GRID1: variants seen among roughly 807,000 people sequenced by gnomAD.
GRID1 encodes the protein glutamate receptor ionotropic, delta-1.
Under a neutral mutation model 98.0 loss-of-function variants are expected in GRID1, and 28 were observed. The ratio of observed to expected loss-of-function variants is 0.29; its 90% CI spans 0.21 to 0.39. The LOEUF (loss-of-function observed/expected upper bound fraction) is 0.39, where lower values mean the gene tolerates loss of function less well. GRID1 is among the 10% of genes least tolerant of loss of function. The pLI, the probability that GRID1 is intolerant of heterozygous loss-of-function variation, is 1.00. For synonymous variants in GRID1, 553 were observed against 538.5 expected, an observed-to-expected ratio of 1.03 and a Z score of -0.37; for missense variants, 1,111 against 1,340.5, an observed-to-expected ratio of 0.83 and a Z score of 2.67.
At chr10:85,647,010 G>T (rs1039188469) in intron 13 of GRID1, 192 bp downstream of exon 13, 4 of 625,996 alleles carry the variant, frequency 6.4e-6, no homozygotes, top group African/African-American at 3.7e-5. Context: ...ACTCTACAAA[G>T]TTGGAAGGTC....
intron 2 of GRID1, among the ~76,000 whole-genome samples, chr10:86,243,965 A>G (rs761951314): frequency 4.1e-4 from 62 of 152,222 alleles, no homozygotes; most frequent in Non-Finnish European, 8.1e-4. Flanking sequence ...CTGCACATAC[A>G]TGCACACACG....
At chr10:85,619,578 T>C (rs532523433) in intron 14 of GRID1, among the ~76,000 whole-genome samples, 1 of 152,272 alleles carries the variant, frequency 6.6e-6, no homozygotes, top group African/African-American at 2.4e-5. Flanking sequence ...TCCCTGCCTC[T>C]ACCCTAGCAT....
At chr10:86,081,430 G>A (rs9663556) in intron 4 of GRID1, among the ~76,000 whole-genome samples, 14,693 of 152,168 alleles carry the variant, frequency 0.097, 913 homozygotes, top group African/African-American at 0.18. Flanking sequence ...AGGAGCACAC[G>A]GTGTTTCTGC....
chr10:86,194,100 C>T lies in GRID1; in HGVS notation c.520+12264G>A, dbSNP rs529631045. ...TCCAGAACACTTCTCCTTTCTCTGC[C>T]TTATTTTGGTAACTGGCATCTCATC... On this transcript the variant is annotated intron_variant, in intron 3 of 15. Transcript: ENST00000327946. 8.5e-5 allele frequency among the ~76,000 whole-genome samples: 13 copies of T among 152,210 alleles called. No homozygotes were observed. In the South Asian group the frequency reaches 2.7e-3, roughly 32 times the overall value.
In GRID1 at chr10:86,338,572, G is replaced by A. The variant is rs556178303; in HGVS notation, c.235+25369C>T. On this transcript the variant is annotated intron_variant, in intron 2 of 15. Transcript: ENST00000327946. The stretch of plus-strand genomic sequence containing the variant: ...AAGAGTCCACAGTAACAGCCCCCCA[G>A]GGGAGGGGGGAGTCTCGCTCTATCC... Among the ~76,000 whole-genome samples the A allele has an allele frequency of 1.1e-4, 16 of 152,144 alleles. 1 individual carries two copies. The highest frequency in any genetic ancestry group is 9.8e-4 in the Admixed American group (15 of 15,294).
At chr10:85,950,188 C>T (rs1842102210) in intron 4 of GRID1, among the ~76,000 whole-genome samples, 3 of 152,156 alleles carry the variant, frequency 2.0e-5, no homozygotes. Flanking sequence ...GGGAGGTTTA[C>T]ATTCAACTAA....
At chr10:85,634,290 C>CTT (rs1688523945) in intron 13 of GRID1, among the ~76,000 whole-genome samples, 2 of 123,200 alleles carry the variant, frequency 1.6e-5, no homozygotes, top group African/African-American at 7.4e-5. Context: ...CTCTCTCTCT[C>CTT]TCACACACAC....
At chr10:85,980,527 G>A (rs1023484848) in intron 4 of GRID1, among the ~76,000 whole-genome samples, 3 of 152,190 alleles carry the variant, frequency 2.0e-5, no homozygotes, top group Non-Finnish European at 2.9e-5. Flanking sequence ...CCCCAAGCTG[G>A]GGCTGGGACA....
Position 85,843,022 on chromosome 10 carries a change from C to T in GRID1, c.1233+11474G>A, listed in dbSNP as rs73334773. On this transcript the variant is annotated intron_variant, in intron 8 of 15. Coordinates refer to ENST00000327946, the MANE Select transcript of GRID1 (RefSeq NM_017551.3). ...CTCAGAATAGCAATATCCCCCATAA[C>T]GCCTTAGCAAATACAATCCAACAAT... Among the ~76,000 whole-genome samples, 873 of 152,164 alleles carry T rather than the reference C, an allele frequency of 5.7e-3. 8 individuals are homozygous for T. Among genetic ancestry groups the T allele is most frequent in the African/African-American group, 0.02 (819 of 41,570 alleles).
At chr10:85,627,779 C>T (rs1310671267) in intron 13 of GRID1, among the ~76,000 whole-genome samples, 2 of 152,184 alleles carry the variant, frequency 1.3e-5, no homozygotes, top group Non-Finnish European at 2.9e-5. Context: ...TGGGAAATTC[C>T]CGAAGGCAAA....
intron 8 of GRID1, among the ~76,000 whole-genome samples, chr10:85,803,274 G>A (rs967955686): frequency 4.6e-5 from 7 of 152,012 alleles, no homozygotes; most frequent in Non-Finnish European, 1.0e-4. Flanking sequence ...TGTTTGAGAG[G>A]ATGGATACAT....
intron 2 of GRID1, among the ~76,000 whole-genome samples, chr10:86,260,391 A>C (rs1054418263): frequency 2.0e-5 from 3 of 152,256 alleles, no homozygotes; most frequent in Non-Finnish European, 4.4e-5. Flanking sequence ...CAAGTGACAA[A>C]GCTAGATTTA....
At chr10:85,858,458 G>A (rs938914886) in intron 6 of GRID1, among the ~76,000 whole-genome samples, 2 of 152,156 alleles carry the variant, frequency 1.3e-5, no homozygotes, top group African/African-American at 4.8e-5. Context: ...TTGAGGCCTA[G>A]AGGAGCATTT....
chr10:86,225,576 C>T (rs1055923603), intron 2 of GRID1, among the ~76,000 whole-genome samples: 3 of 152,146 alleles, frequency 2.0e-5, no homozygotes, highest in African/African-American at 4.8e-5. Flanking sequence ...GAGCTGCTAG[C>T]GTCCCAGCTC....
At chr10:85,955,729 CAG>C (rs1295261915) in intron 4 of GRID1, among the ~76,000 whole-genome samples, 1 of 127,148 alleles carries the variant, frequency 7.9e-6, no homozygotes, top group Non-Finnish European at 1.8e-5. Flanking sequence ...AGTCATCAGA[CAG>C]TCAGTCAGCA....
At chr10:85,816,851 T>C (rs1590244972) in intron 8 of GRID1, among the ~76,000 whole-genome samples, 1 of 152,146 alleles carries the variant, frequency 6.6e-6, no homozygotes, top group African/African-American at 2.4e-5. Flanking sequence ...ATCCTCTCCC[T>C]CCTTCCACTC....
chr10:86,322,328 A>C (rs1163784707), intron 2 of GRID1, among the ~76,000 whole-genome samples: 1 of 152,218 alleles, frequency 6.6e-6, no homozygotes, highest in East Asian at 1.9e-4. Flanking sequence ...AAATTAGAAA[A>C]GAAAATGCAG....
chr10:85,629,092 CT>C (rs1842944215), intron 13 of GRID1, among the ~76,000 whole-genome samples: 1 of 152,052 alleles, frequency 6.6e-6, no homozygotes. Flanking sequence ...AAATGATTGC[CT>C]GTCTCATCCT....
At chr10:86,165,996 C>T (rs567465361) in intron 3 of GRID1, among the ~76,000 whole-genome samples, 24 of 152,300 alleles carry the variant, frequency 1.6e-4, no homozygotes, top group African/African-American at 2.9e-4. Flanking sequence ...GCTAAAGACA[C>T]GGGAACATTT....
Sources: allele counts gnomAD v4.1 joint callset (sites outside exome capture counted in the v4.1 genomes callset), GRCh38; gene constraint gnomAD v4.1.1; transcripts MANE v1.5; gene names NCBI Gene and HGNC (gene_info 2026-07-23, HGNC 2026-07-21).